Variants in SSBP3 observed in about 807,000 individuals in gnomAD.
SSBP3 encodes single stranded DNA binding protein 3, also known as single-stranded DNA-binding protein 3.
SSBP3 carries 5 observed loss-of-function variants against 69.6 expected under a neutral mutation model. The observed-to-expected ratio is 0.07, with a 90% CI of 0.04 to 0.15. SSBP3 has a LOEUF of 0.15. Ranked by LOEUF, SSBP3 falls within the 10% of genes least tolerant of loss-of-function variation. The pLI, the probability that SSBP3 is intolerant of heterozygous loss-of-function variation, is 1.00. For missense variants in SSBP3, 312 were observed against 534.0 expected, an observed-to-expected ratio of 0.58 and a Z score of 4.10; for synonymous variants, 196 against 193.4, an observed-to-expected ratio of 1.01 and a Z score of -0.11.
intron 4 of SSBP3, among the ~76,000 whole-genome samples, chr1:54,385,784 A>T (rs1434417766): frequency 2.6e-5 from 4 of 152,160 alleles, no homozygotes; most frequent in African/African-American, 9.7e-5. Flanking sequence ...CATTTTACAG[A>T]TAAGGACACT....
intron 4 of SSBP3, among the ~76,000 whole-genome samples, chr1:54,295,974 G>A (rs753698518): frequency 2.6e-5 from 4 of 152,176 alleles, no homozygotes; most frequent in Non-Finnish European, 5.9e-5. Flanking sequence ...TTATCTCCCT[G>A]CAGGACTGTT....
At chr1:54,384,453 T>C (rs1647929561) in intron 4 of SSBP3, among the ~76,000 whole-genome samples, 7 of 152,186 alleles carry the variant, frequency 4.6e-5, no homozygotes, top group Admixed American at 4.6e-4. Flanking sequence ...AGCCAACAAA[T>C]GTTGAGTGGG....
In SSBP3 at chr1:54,325,974, C is replaced by CAG. The variant is rs1392840849; in HGVS notation, c.277-44449_277-44448dup. On this transcript the variant is annotated intron_variant, in intron 4 of 17. Transcript: ENST00000610401. ...CTCCCCCCCGCCACCCCCCACCCAG[C>CAG]AGCCTGTCACACCTTCATGTGATGG... Among the ~76,000 whole-genome samples the CAG allele has an allele frequency of 2.7e-5, 4 of 150,240 alleles. No homozygotes were observed. In the East Asian group the frequency reaches 5.9e-4, roughly 22 times the overall value.
chr1:54,273,763 A>C (rs909751147), intron 5 of SSBP3, among the ~76,000 whole-genome samples: 1 of 152,220 alleles, frequency 6.6e-6, no homozygotes, highest in Admixed American at 6.5e-5. Context: ...ATTTGGCAGC[A>C]GGGCTGGTAT....
At chr1:54,242,322 C>CGA in intron 10 of SSBP3, 110 bp from the exon 11 acceptor site, 1 of 1,303,986 alleles carries the variant, frequency 7.7e-7, no homozygotes, top group Admixed American at 1.8e-5. Flanking sequence ...GGAAGTCCTT[C>CGA]CTACAGCCCT....
intron 4 of SSBP3, among the ~76,000 whole-genome samples, chr1:54,390,831 C>T (rs928263364): frequency 4.6e-5 from 7 of 152,174 alleles, no homozygotes; most frequent in East Asian, 1.9e-4. Flanking sequence ...GGCCGGCAGG[C>T]GGGCAGCGCT....
At chr1:54,243,449 G>A in intron 9 of SSBP3, 150 bp from the exon 10 acceptor site, 1 of 962,072 alleles carries the variant, frequency 1.0e-6, no homozygotes, top group Non-Finnish European at 1.6e-6. Context: ...AAAACGGTGG[G>A]GCGGGTGGGA....
intron 4 of SSBP3, among the ~76,000 whole-genome samples, chr1:54,305,870 C>T (rs746763851): frequency 8.1e-5 from 12 of 148,768 alleles, no homozygotes; most frequent in Non-Finnish European, 1.6e-4. Flanking sequence ...GCCGTCTCTC[C>T]CTGCTGTCAG....
chr1:54,271,503 G>A (rs1162731721), intron 5 of SSBP3, among the ~76,000 whole-genome samples: 1 of 152,222 alleles, frequency 6.6e-6, no homozygotes, highest in African/African-American at 2.4e-5. Flanking sequence ...GCACAGCTGA[G>A]GAAACAGTGC....
chr1:54,279,874 T>C (rs537642398), intron 5 of SSBP3, among the ~76,000 whole-genome samples: 1 of 152,132 alleles, frequency 6.6e-6, no homozygotes, highest in Non-Finnish European at 1.5e-5. Flanking sequence ...TATTTTAAGG[T>C]CTAACTCTCA....
intron 4 of SSBP3, among the ~76,000 whole-genome samples, chr1:54,347,451 T>C (rs967405595): frequency 6.6e-6 from 1 of 152,054 alleles, no homozygotes; most frequent in African/African-American, 2.4e-5. Flanking sequence ...TCCTCCCACC[T>C]TAGCCTCCCA....
intron 4 of SSBP3, among the ~76,000 whole-genome samples, chr1:54,355,048 T>C (rs1467251240): frequency 6.6e-6 from 1 of 152,202 alleles, no homozygotes; most frequent in Non-Finnish European, 1.5e-5. Context: ...GGTTGTTTCC[T>C]CCTCCTCTCC....
chr1:54,341,596 G>A (rs1646607434), intron 4 of SSBP3, among the ~76,000 whole-genome samples: 1 of 151,876 alleles, frequency 6.6e-6, no homozygotes, highest in Non-Finnish European at 1.5e-5. Context: ...CAGTAAAGAG[G>A]ATAGCCCAGT....
intron 9 of SSBP3, among the ~76,000 whole-genome samples, chr1:54,244,370 G>T (rs1194071572): frequency 6.6e-6 from 1 of 152,082 alleles, no homozygotes; most frequent in African/African-American, 2.4e-5. Flanking sequence ...CCAAAGTGCT[G>T]GGATTACAGG....
chr1:54,250,763 G>A (rs896984817), intron 9 of SSBP3, among the ~76,000 whole-genome samples: 11 of 152,170 alleles, frequency 7.2e-5, no homozygotes, highest in Non-Finnish European at 1.3e-4. Flanking sequence ...CATCGCGAAC[G>A]CTCTGCCACG....
At chr1:54,403,262 G>A (rs770624142) in intron 3 of SSBP3, among the ~76,000 whole-genome samples, 4 of 152,206 alleles carry the variant, frequency 2.6e-5, no homozygotes, top group Non-Finnish European at 4.4e-5. Context: ...ACTTCTACTA[G>A]CTGCAGAGGG....
chr1:54,411,783 T>C (rs1260481967), intron 1 of SSBP3, among the ~76,000 whole-genome samples: 1 of 150,420 alleles, frequency 6.6e-6, no homozygotes, highest in Non-Finnish European at 1.5e-5. Context: ...TCCCAGCTAC[T>C]CAGGAGGCTG....
chr1:54,240,390 G>A (rs575874717), intron 13 of SSBP3, among the ~76,000 whole-genome samples: 2 of 147,892 alleles, frequency 1.4e-5, no homozygotes, highest in Non-Finnish European at 3.0e-5. Flanking sequence ...CCTGGGAGGT[G>A]GAGATTGCAG....
chr1:54,364,062 A>G (rs1646990751), intron 4 of SSBP3, among the ~76,000 whole-genome samples: 1 of 152,246 alleles, frequency 6.6e-6, no homozygotes, highest in African/African-American at 2.4e-5. Flanking sequence ...CATGGCAGCC[A>G]AAGAGAACAC....
Sources: allele counts gnomAD v4.1 joint callset (sites outside exome capture counted in the v4.1 genomes callset), GRCh38; gene constraint gnomAD v4.1.1; transcripts MANE v1.5; gene names NCBI Gene and HGNC (gene_info 2026-07-23, HGNC 2026-07-21).